The following RNF157 variants were observed in gnomAD, a reference collection of about 807,000 sequenced individuals.
The protein encoded by RNF157 is ring finger protein 157, also known as E3 ubiquitin ligase RNF157.
RNF157 carries 55 observed loss-of-function variants against 88.3 expected under a neutral mutation model. That is an observed-to-expected ratio of 0.62 (90% CI 0.50 to 0.78). The LOEUF (loss-of-function observed/expected upper bound fraction) is 0.78, where lower values mean the gene tolerates loss of function less well. Ranked by LOEUF, RNF157 falls within the 30% of genes least tolerant of loss-of-function variation. RNF157 has a pLI of 0.00. For missense variants in RNF157, 788 were observed against 860.8 expected (o/e 0.92, Z 1.06); for synonymous variants, 334 against 341.2 (o/e 0.98, Z 0.23).
intron 2 of RNF157, among the ~76,000 whole-genome samples, chr17:76,190,167 T>C (rs950615303): frequency 8.4e-5 from 10 of 118,952 alleles, no homozygotes; most frequent in Non-Finnish European, 1.8e-4. Flanking sequence ...CTGCTTGCTC[T>C]CTCTTTTTTT....
At chr17:76,167,153 A>C (rs2144856667) in intron 4 of RNF157, 27 bp from the exon 5 acceptor site, 1 of 1,550,220 alleles carries the variant, frequency 6.5e-7, no homozygotes, top group East Asian at 2.2e-5. Flanking sequence ...GAGGCAAAGC[A>C]AAAGTCAGTA....
Position 76,146,404 on chromosome 17 carries a change from G to T in RNF157, c.1922-1051C>A. 1.0e-6 allele frequency: 1 copy of T among 985,578 alleles called. No homozygotes were observed. 61.1% of individuals were successfully genotyped at this position (985,578 alleles called of 1,614,324 possible). A position where few individuals can be genotyped will look rare whatever the true frequency, so the allele number is the denominator to read the frequency against. On this transcript the variant is annotated intron_variant, in intron 18 of 18. Coordinates refer to ENST00000269391, the MANE Select transcript of RNF157 (RefSeq NM_052916.3). The surrounding 1 kb of genome is among the most constrained non-coding windows in gnomAD (Gnocchi z 4.2). ...CCAGGCCATCTCGCCTCTCCCCTGG[G>T]AGTCCTCTTCATCTCCTGCCCACAG...
intron 8 of RNF157, 43 bp from the exon 9 acceptor site, chr17:76,162,666 T>A: frequency 2.8e-6 from 4 of 1,419,130 alleles, no homozygotes; most frequent in Non-Finnish European, 2.9e-6. Flanking sequence ...CTGTCTCTAC[T>A]GAGAGACAAG....
Position 76,155,647 on chromosome 17 carries a change from G to A in RNF157, c.1613C>T (p.Ser538Phe), listed in dbSNP as rs778204656. 3 of 1,613,996 alleles carry A rather than the reference G, an allele frequency of 1.9e-6. No individual in the cohort carries two copies. The highest frequency in any genetic ancestry group is 2.2e-5 in the South Asian group (2 of 91,068). The change falls in exon 15 of 19, where the codon TCC (serine) becomes TTC (phenylalanine). Residue 538 changes from serine (S) to phenylalanine (F), a missense_variant. Physicochemically the swap from Ser to Phe is radical, Grantham distance 155. Transcript: ENST00000269391. ...STDTVSSMSG[S>F]YIAPGTEEEG... ...CTCTTCAGTGCCAGGGGCGATGTAG[G>A]AGCCAGACATGGAGGAGACGGTGTC...
At chr17:76,234,522 C>G (rs1033866940) in intron 1 of RNF157, among the ~76,000 whole-genome samples, 1 of 152,112 alleles carries the variant, frequency 6.6e-6, no homozygotes, top group African/African-American at 2.4e-5. Flanking sequence ...CATATCCTTA[C>G]CAGTACTCGT....
At position 76,158,506 on chromosome 17, in the gene RNF157, A is replaced by C; in HGVS notation, c.1305-5T>G. 1 of 1,600,888 alleles carries C rather than the reference A, an allele frequency of 6.2e-7. No homozygotes were observed. Among genetic ancestry groups the C allele is most frequent in the Non-Finnish European group, 8.6e-7 (1 of 1,168,146 alleles). On this transcript the variant is annotated splice_region_variant and splice_polypyrimidine_tract_variant and intron_variant, in intron 12 of 18. Coordinates refer to ENST00000269391, the MANE Select transcript of RNF157 (RefSeq NM_052916.3). ...GAAGAGTTTTGGGAAGTGGATCTGTAGGAGTCCAGTGGAAAAGCAGCTATA... is the reference window on the plus strand; with the variant it reads ...GAAGAGTTTTGGGAAGTGGATCTGTCGGAGTCCAGTGGAAAAGCAGCTATA...
In RNF157 at chr17:76,161,993, C is replaced by A; in HGVS notation, c.802G>T (p.Asp268Tyr). 1 of 1,613,322 alleles carries A rather than the reference C, an allele frequency of 6.2e-7. No individual in the cohort carries two copies. The highest frequency in any genetic ancestry group is 8.5e-7 in the Non-Finnish European group (1 of 1,179,396). Residue 268 changes from aspartate (D) to tyrosine (Y), a missense_variant, in exon 10 of 19, where the codon GAC becomes TAC. Physicochemically the swap from Asp to Tyr is radical, Grantham distance 160. Coordinates refer to ENST00000269391, the MANE Select transcript of RNF157 (RefSeq NM_052916.3). This position sits in a 1 kb window ranked among gnomAD's most constrained non-coding sequence, Gnocchi z 4.6. ...YNTQDSKVAEDEVSDNSAECV... is the reference protein window; with the variant it reads ...YNTQDSKVAEYEVSDNSAECV... The stretch of plus-strand genomic sequence containing the variant: ...TCGGCACTGTTATCACTCACTTCGT[C>A]TTCAGCCACCTGGCCAAGGAGAAAG...
At chr17:76,190,365 C>T (rs1025684989) in intron 2 of RNF157, among the ~76,000 whole-genome samples, 13 of 151,972 alleles carry the variant, frequency 8.6e-5, no homozygotes, top group African/African-American at 9.7e-5. Context: ...CGGAGTTTCG[C>T]CATGTTGGCC....
intron 1 of RNF157, among the ~76,000 whole-genome samples, chr17:76,221,252 C>A (rs2069977708): frequency 6.6e-6 from 1 of 152,044 alleles, no homozygotes; most frequent in African/African-American, 2.4e-5. Flanking sequence ...AACCTCTCCC[C>A]CACAAAAAAG....
chr17:76,159,667 A>G (rs1009324803), intron 11 of RNF157, 94 bp from the exon 12 acceptor site: 1 of 918,174 alleles, frequency 1.1e-6, no homozygotes. Flanking sequence ...AAAATGTTTT[A>G]TATCTGTTCT....
At position 76,176,410 on chromosome 17, in the gene RNF157, G is replaced by A. The variant is rs765905427; in HGVS notation, c.208-2620C>T. Among the ~76,000 whole-genome samples, 7 of 152,088 alleles carry A rather than the reference G, an allele frequency of 4.6e-5. No individual in the cohort carries two copies. The highest frequency in any genetic ancestry group is 1.3e-4 in the Admixed American group (2 of 15,272). On this transcript the variant is annotated intron_variant, in intron 2 of 18. Coordinates refer to ENST00000269391, the MANE Select transcript of RNF157 (RefSeq NM_052916.3). The surrounding 1 kb of genome is among the most constrained non-coding windows in gnomAD (Gnocchi z 4.2). The stretch of plus-strand genomic sequence containing the variant: ...AGATGGAGGGGACAGTAGGATCAGA[G>A]GCAAATTAAAAAAAATTTTTTTTCT...
chr17:76,154,458 T>C (rs1204805763), intron 16 of RNF157, 130 bp from the exon 17 acceptor site: 1 of 721,712 alleles, frequency 1.4e-6, no homozygotes, highest in African/African-American at 1.8e-5. Flanking sequence ...TATTTCCATC[T>C]GTGTTTAATA....
intron 2 of RNF157, among the ~76,000 whole-genome samples, chr17:76,191,971 AAC>A (rs1212155784): frequency 7.9e-5 from 12 of 152,204 alleles, no homozygotes; most frequent in Non-Finnish European, 1.3e-4. Context: ...ACTTTTATAT[AAC>A]AGTTTCAGTA....
chr17:76,191,526 C>G (rs977223271), intron 2 of RNF157, among the ~76,000 whole-genome samples: 1 of 148,242 alleles, frequency 6.7e-6, no homozygotes, highest in African/African-American at 2.5e-5. Context: ...TGCTTGAACC[C>G]GGAGGTGGAG....
At chr17:76,191,000 C>T (rs1391988684) in intron 2 of RNF157, among the ~76,000 whole-genome samples, 1 of 149,132 alleles carries the variant, frequency 6.7e-6, no homozygotes, top group East Asian at 2.0e-4. Flanking sequence ...CCAGCCTGGG[C>T]AACATAGTGG....
At position 76,152,406 on chromosome 17, in the gene RNF157, C is replaced by A; in HGVS notation, c.1870G>T (p.Ala624Ser). The A allele has an allele frequency of 1.9e-6, 3 of 1,613,780 alleles. No homozygotes were observed. The highest frequency in any genetic ancestry group is 2.5e-6 in the Non-Finnish European group (3 of 1,179,702). Reference protein sequence around the residue: ...ECDNNNDFDIASVKALDNKLC... With the variant: ...ECDNNNDFDISSVKALDNKLC... ...TTATTGTCCAGTGCTTTCACGCTTG[C>A]GATGTCAAAGTCATTGTTATTGTCA... Residue 624 changes from alanine (A) to serine (S), a missense_variant, in exon 18 of 19, where the codon GCA becomes TCA. Ala to Ser is a moderately conservative substitution (Grantham distance 99). Transcript: ENST00000269391.
Position 76,209,916 on chromosome 17 carries a change from C to T in RNF157, c.207+2448G>A, listed in dbSNP as rs528562986. The stretch of plus-strand genomic sequence containing the variant: ...CTGGGACTACAGGCTCACACCACCA[C>T]GCCCAGCTAATTTTTGTATTTTTAG... On this transcript the variant is annotated intron_variant, in intron 2 of 18. Coordinates refer to ENST00000269391, the MANE Select transcript of RNF157 (RefSeq NM_052916.3). Among the ~76,000 whole-genome samples, 4 of 152,196 alleles carry T rather than the reference C, an allele frequency of 2.6e-5. No individual in the cohort carries two copies. The East Asian group carries it at 7.7e-4, about 29-fold the overall frequency.
At chr17:76,198,700 C>T (rs73996179) in intron 2 of RNF157, among the ~76,000 whole-genome samples, 13,429 of 152,236 alleles carry the variant, frequency 0.088, 1,254 homozygotes, top group African/African-American at 0.24. Context: ...ACCTTCTACA[C>T]TTCATCTGAG....
chr17:76,219,264 A>G (rs1038587363), intron 1 of RNF157, among the ~76,000 whole-genome samples: 1 of 151,856 alleles, frequency 6.6e-6, no homozygotes, highest in African/African-American at 2.4e-5. Context: ...ATACATCTTA[A>G]AAAAAGAGCA....
Sources: gnomAD v4.1 joint callset for allele counts (sites outside exome capture counted in the v4.1 genomes callset) on GRCh38, gnomAD v4.1.1 for gene constraint, Gnocchi (gnomAD v3.1) non-coding constraint, MANE v1.5 for transcripts, NCBI Gene and HGNC (gene_info 2026-07-23, HGNC 2026-07-21) for gene names.